Variants in P2RY4 observed in about 807,000 individuals in gnomAD.
P2RY4 encodes pyrimidinergic receptor P2Y4.
For missense variants in P2RY4, 291 were observed against 308.5 expected (o/e 0.94, Z 0.42); for synonymous variants, 121 against 131.6 (o/e 0.92, Z 0.55).
chrX:70,258,988 AG>A lies in P2RY4; in HGVS notation c.636del (p.Cys213AlafsTer35). 1 of 1,211,797 alleles carries A rather than the reference AG, an allele frequency of 8.3e-7. No individual in the cohort carries two copies. On this transcript the variant is annotated frameshift_variant, in exon 1 of 1. Transcript: ENST00000374519. LOFTEE classifies it low-confidence loss of function (END_TRUNC). ...SAVMGLLFGVPCLVTLVCYGL... is the reference protein window; with the variant it reads ...SAVMGLLFGVXCLVTLVCYGL... ...CCATAGCAAACAAGAGTGACCAGGC[AG>A]GGCACGCCAAAGAGCAGCCCCATGA...
chrX:70,259,753 GA>G lies in P2RY4; in HGVS notation c.-130del. 1.5e-6 allele frequency: 1 copy of G among 662,686 alleles called. No individual in the cohort carries two copies. Among genetic ancestry groups the G allele is most frequent in the Admixed American group, 3.9e-5 (1 of 25,342 alleles). 54.6% of individuals were successfully genotyped at this position (662,686 alleles called of 1,213,427 possible). A position where few individuals can be genotyped will look rare whatever the true frequency, so the allele number is the denominator to read the frequency against. ...GTTGAAGCACTAGGGAGAGCTGACA[GA>G]AGCGCATCTGGGTGCACTCAGGCTA... On this transcript the variant is annotated 5_prime_UTR_variant, in exon 1 of 1. An upstream open reading frame in the 5' UTR gains an earlier in-frame stop. Transcript: ENST00000374519.
rs749396299 is a variant in P2RY4, at chrX:70,259,116, T to C, written c.509A>G (p.Asn170Ser). The C allele has an allele frequency of 2.5e-6, 3 of 1,211,578 alleles. No homozygotes were observed. The highest frequency in any genetic ancestry group is 2.3e-4 in the Middle Eastern group (1 of 4,354). ...WLVVAGCLVP[N>S]LFFVTTSNKG... ...GTTGCTGGTTGTGACAAAGAACAGG[T>C]TGGGCACGAGGCAGCCGGCTACGAC... is the stretch of plus-strand genomic sequence containing the variant. Residue 170 changes from asparagine to serine, a missense_variant, in exon 1 of 1, where the codon AAC becomes AGC. Transcript: ENST00000374519.
Position 70,259,764 on chromosome X carries a change from G to T in P2RY4, c.-140C>A. 1 of 609,783 alleles carries T rather than the reference G, an allele frequency of 1.6e-6. No homozygotes were observed. The highest frequency in any genetic ancestry group is 2.5e-6 in the Non-Finnish European group (1 of 397,671). 50.3% of individuals were successfully genotyped at this position (609,783 alleles called of 1,213,427 possible). ...AGGGAGAGCTGACAGAAGCGCATCTGGGTGCACTCAGGCTAGCCTGGCCCC... is the reference window on the plus strand; with the variant it reads ...AGGGAGAGCTGACAGAAGCGCATCTTGGTGCACTCAGGCTAGCCTGGCCCC... On this transcript the variant is annotated 5_prime_UTR_variant, in exon 1 of 1. Coordinates refer to ENST00000374519, the MANE Select transcript of P2RY4 (RefSeq NM_002565.4).
Position 70,259,018 on chromosome X carries a change from C to T in P2RY4, c.607G>A (p.Ala203Thr). ...EFDHYVHFSS[A>T]VMGLLFGVPC... Reference sequence around the variant, plus strand: ...ACGCCAAAGAGCAGCCCCATGACCGCCGAGCTGAAGTGCACATAGTGGTCA... The same window carrying T: ...ACGCCAAAGAGCAGCCCCATGACCGTCGAGCTGAAGTGCACATAGTGGTCA... The change falls in exon 1 of 1, where the codon GCG becomes ACG. Residue 203 changes from alanine to threonine, a missense_variant. Coordinates refer to ENST00000374519, the MANE Select transcript of P2RY4 (RefSeq NM_002565.4). 8.3e-7 allele frequency: 1 copy of T among 1,211,734 alleles called. No homozygotes were observed. The highest frequency in any genetic ancestry group is 1.1e-6 in the Non-Finnish European group (1 of 895,419).
chrX:70,259,337 T>C lies in P2RY4; in HGVS notation c.288A>G (p.Ala96=). The C allele has an allele frequency of 3.3e-6, 4 of 1,211,907 alleles. No individual in the cohort carries two copies. The highest frequency in any genetic ancestry group is 4.5e-6 in the Non-Finnish European group (4 of 895,377). The change falls in exon 1 of 1, where the codon GCA becomes GCG. Residue 96 remains alanine (A), a synonymous_variant. Transcript: ENST00000374519. ...LSLPTLIYYY[A]AHNHWPFGTE... Reference sequence around the variant, plus strand: ...TGCCAAAGGGCCAGTGGTTGTGGGCTGCATAATAGTAGATGAGGGTGGGCA... The same window carrying C: ...TGCCAAAGGGCCAGTGGTTGTGGGCCGCATAATAGTAGATGAGGGTGGGCA...
rs2085580680 is a variant in P2RY4 at position 70,258,770 on chromosome X, G to A, written c.855C>T (p.Asn285=). ...EADCRVLNIV[N]VVYKVTRPLA... is the part of the protein sequence containing the mutation. Reference sequence around the variant, plus strand: ...GGGGCCGAGTCACTTTATAGACCACGTTGACAATGTTCAGTACTCGGCAGT... The same window carrying A: ...GGGGCCGAGTCACTTTATAGACCACATTGACAATGTTCAGTACTCGGCAGT... Residue 285 remains asparagine, a synonymous_variant, in exon 1 of 1, where the codon AAC becomes AAT. Transcript: ENST00000374519. 14 of 1,212,060 alleles carry A rather than the reference G, an allele frequency of 1.2e-5. No individual in the cohort carries two copies. The highest frequency in any genetic ancestry group is 1.5e-5 in the Non-Finnish European group (13 of 895,465).
rs1472982109 is a variant in P2RY4, at chrX:70,258,784, G to A, written c.841C>T (p.Leu281=). 4 of 1,210,846 alleles carry A rather than the reference G, an allele frequency of 3.3e-6. No homozygotes were observed. The highest frequency in any genetic ancestry group is 3.4e-6 in the Non-Finnish European group (3 of 895,355). Residue 281 remains leucine, a synonymous_variant, in exon 1 of 1, where the codon CTG becomes TTG. Coordinates refer to ENST00000374519, the MANE Select transcript of P2RY4 (RefSeq NM_002565.4). ...TTATAGACCACGTTGACAATGTTCA[G>A]TACTCGGCAGTCAGCTTCCAACAGC... The part of the protein sequence containing the change: ...ARLLEADCRV[L]NIVNVVYKVT...
chrX:70,259,881 A>C lies in P2RY4; in HGVS notation c.-257T>G. The C allele has an allele frequency of 2.6e-6, 1 of 386,845 alleles. No homozygotes were observed. Among genetic ancestry groups the C allele is most frequent in the Admixed American group, 4.8e-5 (1 of 20,984 alleles). The allele number at this position is 386,845 out of a possible 1,213,427, so 31.9% of individuals were successfully genotyped here. A position where few individuals can be genotyped will look rare whatever the true frequency, so the allele number is the denominator to read the frequency against. On this transcript the variant is annotated 5_prime_UTR_variant, in exon 1 of 1. Transcript: ENST00000374519. ...CAGCCCGTGTATTTGGGTTGTACTC[A>C]CTCTGCAGCTCACTCTGTCCCTAAG...
chrX:70,258,819 T>C lies in P2RY4; in HGVS notation c.806A>G (p.Tyr269Cys), dbSNP rs2085581011. The C allele has an allele frequency of 6.6e-6, 8 of 1,211,062 alleles. No homozygotes were observed. Among genetic ancestry groups the C allele is most frequent in the Non-Finnish European group, 8.9e-6 (8 of 895,053 alleles). Reference sequence around the variant, plus strand: ...GTCAGCTTCCAACAGCCTGGCCAGGTAGTAAATGGTGCGGGTGATGTGGAA... The same window carrying C: ...GTCAGCTTCCAACAGCCTGGCCAGGCAGTAAATGGTGCGGGTGATGTGGAA... ...VPFHITRTIY[Y>C]LARLLEADCR... Residue 269 changes from tyrosine (Y) to cysteine (C), a missense_variant, in exon 1 of 1, where the codon TAC becomes TGC. By Grantham distance (194) the Tyr-to-Cys change is radical. Coordinates refer to ENST00000374519, the MANE Select transcript of P2RY4 (RefSeq NM_002565.4).
chrX:70,259,150 C>A lies in P2RY4; in HGVS notation c.475G>T (p.Val159Phe). 2.5e-6 allele frequency: 3 copies of A among 1,212,425 alleles called. No homozygotes were observed. Among genetic ancestry groups the A allele is most frequent in the Non-Finnish European group, 3.3e-6 (3 of 895,717 alleles). ...PRLAGLLCLA[V>F]WLVVAGCLVP... The stretch of plus-strand genomic sequence containing the variant: ...AGGCAGCCGGCTACGACCAACCAAA[C>A]TGCCAGGCAGAGAAGGCCTGCGAGG... The change falls in exon 1 of 1, where the codon GTT becomes TTT. Residue 159 changes from valine (V) to phenylalanine (F), a missense_variant. Coordinates refer to ENST00000374519, the MANE Select transcript of P2RY4 (RefSeq NM_002565.4).
At position 70,259,485 on chromosome X, in the gene P2RY4, A is replaced by G. The variant is rs1569217439; in HGVS notation, c.140T>C (p.Val47Ala). ...LLPVSYAVVF[V>A]LGLGLNAPTL... is the part of the protein sequence containing the mutation. The stretch of plus-strand genomic sequence containing the variant: ...TGGGGCGTTAAGGCCCAAGCCCAGC[A>G]CAAAGACAACTGCATAGCTCACAGG... Residue 47 changes from valine (V) to alanine (A), a missense_variant, in exon 1 of 1, where the codon GTG (valine) becomes GCG (alanine). Coordinates refer to ENST00000374519, the MANE Select transcript of P2RY4 (RefSeq NM_002565.4). The G allele has an allele frequency of 1.7e-6, 2 of 1,211,583 alleles. No homozygotes were observed. Among genetic ancestry groups the G allele is most frequent in the Non-Finnish European group, 2.2e-6 (2 of 895,256 alleles).
chrX:70,258,982 C>A lies in P2RY4; in HGVS notation c.643G>T (p.Val215Phe). The A allele has an allele frequency of 8.3e-7, 1 of 1,211,658 alleles. No homozygotes were observed. Among genetic ancestry groups the A allele is most frequent in the African/African-American group, 1.7e-5 (1 of 57,816 alleles). The change falls in exon 1 of 1, where the codon GTC becomes TTC. Residue 215 changes from valine (V) to phenylalanine (F), a missense_variant. Coordinates refer to ENST00000374519, the MANE Select transcript of P2RY4 (RefSeq NM_002565.4). ...ATGAGTCCATAGCAAACAAGAGTGACCAGGCAGGGCACGCCAAAGAGCAGC... is the reference window on the plus strand; with the variant it reads ...ATGAGTCCATAGCAAACAAGAGTGAACAGGCAGGGCACGCCAAAGAGCAGC... ...MGLLFGVPCL[V>F]TLVCYGLMAR...
rs953845182 is a variant in P2RY4 at position 70,259,770 on chromosome X, A to G, written c.-146T>C. 3 of 585,423 alleles carry G rather than the reference A, an allele frequency of 5.1e-6. No homozygotes were observed. In the African/African-American group the frequency reaches 6.9e-5, roughly 13 times the overall value. The allele number at this position is 585,423 out of a possible 1,213,427, so 48.2% of individuals were successfully genotyped here. A position where few individuals can be genotyped will look rare whatever the true frequency, so the allele number is the denominator to read the frequency against. The stretch of plus-strand genomic sequence containing the variant: ...AGCTGACAGAAGCGCATCTGGGTGC[A>G]CTCAGGCTAGCCTGGCCCCTACCCA... On this transcript the variant is annotated 5_prime_UTR_variant, in exon 1 of 1. Coordinates refer to ENST00000374519, the MANE Select transcript of P2RY4 (RefSeq NM_002565.4).
chrX:70,259,176 C>G lies in P2RY4; in HGVS notation c.449G>C (p.Arg150Pro), dbSNP rs750283070. Residue 150 changes from arginine (R) to proline (P), a missense_variant, in exon 1 of 1, where the codon CGC (arginine) becomes CCC (proline). Arg to Pro is a moderately radical substitution (Grantham distance 103). Coordinates refer to ENST00000374519, the MANE Select transcript of P2RY4 (RefSeq NM_002565.4). ...PLRALRWGRP[R>P]LAGLLCLAVW... Reference sequence around the variant, plus strand: ...TGCCAGGCAGAGAAGGCCTGCGAGGCGAGGGCGGCCCCAGCGTAGTGCCCG... The same window carrying G: ...TGCCAGGCAGAGAAGGCCTGCGAGGGGAGGGCGGCCCCAGCGTAGTGCCCG... 39 of 1,211,959 alleles carry G rather than the reference C, an allele frequency of 3.2e-5. No individual in the cohort carries two copies. Among genetic ancestry groups the G allele is most frequent in the Non-Finnish European group, 4.2e-5 (38 of 895,599 alleles).
Position 70,259,559 on chromosome X carries a change from C to T in P2RY4, c.66G>A (p.Glu22=). The stretch of plus-strand genomic sequence containing the variant: ...CATCAAACCAACAGTCCAGCTCCAC[C>T]TCACTGCTGCCAGGACCTGGGCTGA... The part of the protein sequence containing the change: ...LGLSPGPGSS[E]VELDCWFDED... Residue 22 remains glutamate (E), a synonymous_variant, in exon 1 of 1, where the codon GAG becomes GAA. Coordinates refer to ENST00000374519, the MANE Select transcript of P2RY4 (RefSeq NM_002565.4). 3.3e-6 allele frequency: 4 copies of T among 1,206,914 alleles called. No individual in the cohort carries two copies. Among genetic ancestry groups the T allele is most frequent in the Non-Finnish European group, 4.5e-6 (4 of 892,632 alleles).
chrX:70,258,402 C>T lies in P2RY4; in HGVS notation c.*125G>A. ...GATATCCCTGCCTCCCTGCAACCCT[C>T]AGGGTGAGGGCTTCTCTCCAGAGCC... On this transcript the variant is annotated 3_prime_UTR_variant, in exon 1 of 1. Coordinates refer to ENST00000374519, the MANE Select transcript of P2RY4 (RefSeq NM_002565.4). 1.2e-6 allele frequency: 1 copy of T among 813,137 alleles called. No individual in the cohort carries two copies. Among genetic ancestry groups the T allele is most frequent in the Non-Finnish European group, 1.8e-6 (1 of 567,409 alleles). The allele number at this position is 813,137 out of a possible 1,213,427, so 67.0% of individuals were successfully genotyped here. A position where few individuals can be genotyped will look rare whatever the true frequency, so the allele number is the denominator to read the frequency against.
In P2RY4 at chrX:70,258,926, G is replaced by A. The variant is rs1357101262; in HGVS notation, c.699C>T (p.Gly233=). The A allele has an allele frequency of 8.3e-7, 1 of 1,211,163 alleles. No homozygotes were observed. Among genetic ancestry groups the A allele is most frequent in the East Asian group, 3.0e-5 (1 of 33,814 alleles). ...GGAGGCGAGAAGACGACTGTGCAGA[G>A]CCTGGCAAGGGCTGATACAGGCGAC... is the stretch of plus-strand genomic sequence containing the variant. ...MARRLYQPLP[G]SAQSSSRLRS... The change falls in exon 1 of 1, where the codon GGC becomes GGT. Residue 233 remains glycine (G), a synonymous_variant. Coordinates refer to ENST00000374519, the MANE Select transcript of P2RY4 (RefSeq NM_002565.4).
chrX:70,259,852 C>CA lies in P2RY4; in HGVS notation c.-229dup, dbSNP rs912479924. ...GCAGCAGGCAGTGCTGGGGCTCAGGCAGGCAGCCCGTGTATTTGGGTTGTA... is the reference window on the plus strand; with the variant it reads ...GCAGCAGGCAGTGCTGGGGCTCAGGCAAGGCAGCCCGTGTATTTGGGTTGTA... On this transcript the variant is annotated 5_prime_UTR_variant, in exon 1 of 1. Coordinates refer to ENST00000374519, the MANE Select transcript of P2RY4 (RefSeq NM_002565.4). 23 of 423,475 alleles carry CA rather than the reference C, an allele frequency of 5.4e-5. No individual in the cohort carries two copies. Among genetic ancestry groups the CA allele is most frequent in the Non-Finnish European group, 8.4e-5 (20 of 238,984 alleles). 34.9% of individuals were successfully genotyped at this position (423,475 alleles called of 1,213,427 possible).
rs2085587126 is a variant in P2RY4 at position 70,259,672 on chromosome X, C to T, written c.-48G>A. ...GGAGAAGTGAGGGTGGCAGGATTTC[C>T]CTGCCCACCCCCATCCCTGAGCTGG... On this transcript the variant is annotated 5_prime_UTR_variant, in exon 1 of 1. Transcript: ENST00000374519. The T allele has an allele frequency of 2.0e-5, 22 of 1,095,272 alleles. No individual in the cohort carries two copies. The highest frequency in any genetic ancestry group is 2.4e-5 in the Non-Finnish European group (20 of 825,044). 90.3% of individuals were successfully genotyped at this position (1,095,272 alleles called of 1,213,427 possible).
Sources: allele counts gnomAD v4.1 joint callset, GRCh38; gene constraint gnomAD v4.1.1; transcripts MANE v1.5; gene names NCBI Gene and HGNC (gene_info 2026-07-23, HGNC 2026-07-21).